Variants in SGPP2 observed in about 807,000 individuals in gnomAD.
SGPP2 encodes the protein sphingosine 1-phosphate phosphohydrolase 2.
In SGPP2, 30 loss-of-function variants were observed where a neutral mutation model predicts 33.9. The observed-to-expected ratio is 0.89, with a 90% CI of 0.66 to 1.20. The LOEUF (loss-of-function observed/expected upper bound fraction) is 1.20, where lower values mean the gene tolerates loss of function less well. Ranked by LOEUF, SGPP2 falls within the 50% of genes most tolerant of loss-of-function variation. SGPP2 has a pLI of 0.00. For missense variants in SGPP2, 458 were observed against 532.1 expected (o/e 0.86, Z 1.37); for synonymous variants, 233 against 225.0 (o/e 1.04, Z -0.32).
chr2:222,439,698 T>C (rs1354361864), intron 1 of SGPP2, among the ~76,000 whole-genome samples: 1 of 152,200 alleles, frequency 6.6e-6, no homozygotes, highest in Non-Finnish European at 1.5e-5. Flanking sequence ...TTTCAAAAGA[T>C]CAAGTTCTGT....
chr2:222,453,994 A>T (rs1467398857), intron 1 of SGPP2, among the ~76,000 whole-genome samples: 2 of 152,208 alleles, frequency 1.3e-5, no homozygotes, highest in African/African-American at 4.8e-5. Flanking sequence ...AATAGTACTG[A>T]CCTGCCTCTT....
intron 1 of SGPP2, among the ~76,000 whole-genome samples, chr2:222,443,720 G>A (rs928898372): frequency 6.6e-6 from 1 of 152,114 alleles, no homozygotes; most frequent in African/African-American, 2.4e-5. Context: ...CAGGGATCTT[G>A]GCTATAGTGA....
intron 1 of SGPP2, among the ~76,000 whole-genome samples, chr2:222,448,747 A>G (rs1447902056): frequency 2.6e-5 from 4 of 152,216 alleles, no homozygotes; most frequent in African/African-American, 9.6e-5. Flanking sequence ...ATGATAAGGC[A>G]CTGTGTTCCC....
intron 1 of SGPP2, among the ~76,000 whole-genome samples, chr2:222,462,777 C>G (rs1323133525): frequency 1.3e-5 from 2 of 151,822 alleles, no homozygotes; most frequent in Non-Finnish European, 2.9e-5. Flanking sequence ...TTGGAACTTC[C>G]ATGATGTTCT....
At chr2:222,472,681 A>T (rs181228286) in intron 1 of SGPP2, among the ~76,000 whole-genome samples, 1 of 152,310 alleles carries the variant, frequency 6.6e-6, no homozygotes, top group African/African-American at 2.4e-5. Flanking sequence ...GCCTTTCATT[A>T]GTCTTACAAA....
chr2:222,532,000 C>T (rs191287669), intron 4 of SGPP2, among the ~76,000 whole-genome samples: 12 of 152,220 alleles, frequency 7.9e-5, no homozygotes, highest in East Asian at 1.9e-4. Context: ...AGGCTAGGCA[C>T]GGTGGCTCAT....
At chr2:222,499,750 A>G (rs1464935753) in intron 2 of SGPP2, among the ~76,000 whole-genome samples, 2 of 152,192 alleles carry the variant, frequency 1.3e-5, no homozygotes, top group Non-Finnish European at 2.9e-5. Context: ...ATTCAGTGTC[A>G]TGTGAGTTTT....
chr2:222,518,179 A>C (rs987768126), intron 2 of SGPP2, among the ~76,000 whole-genome samples: 2 of 152,244 alleles, frequency 1.3e-5, no homozygotes, highest in Non-Finnish European at 2.9e-5. Flanking sequence ...CTGTGATCAC[A>C]GTCATTGTTA....
rs980876284 is a variant in SGPP2, at chr2:222,524,860, A to G, written c.559-84A>G. The stretch of plus-strand genomic sequence containing the variant: ...ATTTGGACTAGCAATTCTTGCATTA[A>G]TGAATCCTATTCCCACCTATGACAT... On this transcript the variant is annotated intron_variant, in intron 3 of 4. Coordinates refer to ENST00000321276, the MANE Select transcript of SGPP2 (RefSeq NM_152386.4). 1.6e-5 allele frequency: 17 copies of G among 1,074,414 alleles called. No individual in the cohort carries two copies. The Admixed American group carries it at 2.6e-4, about 16-fold the overall frequency. The allele number at this position is 1,074,414 out of a possible 1,614,324, so 66.6% of individuals were successfully genotyped here.
At chr2:222,451,819 C>T (rs2106076354) in intron 1 of SGPP2, among the ~76,000 whole-genome samples, 1 of 152,280 alleles carries the variant, frequency 6.6e-6, no homozygotes, top group East Asian at 1.9e-4. Context: ...AACTCATGGC[C>T]TAGCAGTTGT....
intron 2 of SGPP2, among the ~76,000 whole-genome samples, chr2:222,491,764 T>C (rs1003113158): frequency 6.6e-6 from 1 of 152,146 alleles, no homozygotes; most frequent in Non-Finnish European, 1.5e-5. Flanking sequence ...CCCCAAAGTC[T>C]TAACTCATTT....
chr2:222,498,306 G>A (rs114787671), intron 2 of SGPP2: 2 of 152,150 alleles, frequency 1.3e-5, no homozygotes, highest in African/African-American at 4.8e-5. Context: ...CACTTCAGCA[G>A]CACATATACT....
In SGPP2 at chr2:222,450,969, T is replaced by C. The variant is rs149706089; in HGVS notation, c.220-23599T>C. ...CTATTTAATGTTTACTTCATATTGATTTATAAACAACAACCTCTTTGTGAA... is the reference window on the plus strand; with the variant it reads ...CTATTTAATGTTTACTTCATATTGACTTATAAACAACAACCTCTTTGTGAA... On this transcript the variant is annotated intron_variant, in intron 1 of 4. Transcript: ENST00000321276. 6.9e-3 allele frequency among the ~76,000 whole-genome samples: 1,044 copies of C among 152,266 alleles called. 11 individuals are homozygous for C. The highest frequency in any genetic ancestry group is 0.024 in the African/African-American group (984 of 41,554).
chr2:222,537,897 T>A (rs1406671888), intron 4 of SGPP2, among the ~76,000 whole-genome samples: 1 of 152,238 alleles, frequency 6.6e-6, no homozygotes, highest in Admixed American at 6.5e-5. Flanking sequence ...AGCAGCTTTA[T>A]TCCTAATCTC....
At position 222,460,056 on chromosome 2, in the gene SGPP2, C is replaced by T. The variant is rs1248963259; in HGVS notation, c.220-14512C>T. Among the ~76,000 whole-genome samples the T allele has an allele frequency of 6.6e-6, 1 of 152,192 alleles. No individual in the cohort carries two copies. Among genetic ancestry groups the T allele is most frequent in the Non-Finnish European group, 1.5e-5 (1 of 68,040 alleles). ...GTTTTCAGAGCAGGAATCTGAAGCG[C>T]GCGGCCCTCGGTGACGGGGCTCAGT... is the stretch of plus-strand genomic sequence containing the variant. On this transcript the variant is annotated intron_variant, in intron 1 of 4. Transcript: ENST00000321276. This position sits in a 1 kb window ranked among gnomAD's most constrained non-coding sequence, Gnocchi z 4.3.
chr2:222,459,357 C>T (rs539566739), intron 1 of SGPP2, among the ~76,000 whole-genome samples: 2 of 151,992 alleles, frequency 1.3e-5, no homozygotes, highest in East Asian at 3.9e-4. Flanking sequence ...ACCATTTTGG[C>T]CAGGCTGGTC....
intron 1 of SGPP2, among the ~76,000 whole-genome samples, chr2:222,444,383 A>C (rs926754896): frequency 6.6e-6 from 1 of 152,170 alleles, no homozygotes; most frequent in Admixed American, 6.5e-5. Context: ...GTGCTTTTCC[A>C]GGTTCTGCTT....
At chr2:222,544,946 T>A (rs1379071229) in intron 4 of SGPP2, among the ~76,000 whole-genome samples, 1 of 152,200 alleles carries the variant, frequency 6.6e-6, no homozygotes, top group African/African-American at 2.4e-5. Context: ...ATAAAGCTAT[T>A]TTTATTTAAT....
rs1697516188 is a variant in SGPP2 at position 222,453,028 on chromosome 2, C to T, written c.220-21540C>T. On this transcript the variant is annotated intron_variant, in intron 1 of 4. Transcript: ENST00000321276. ...ACAGTTCTGGTCTTCTGTTTCTTGA[C>T]TGGGACCTTGTCTTCCTTCTTTTGT... 4 of 1,570,600 alleles carry T rather than the reference C, an allele frequency of 2.5e-6. No homozygotes were observed. In the African/African-American group the frequency reaches 5.4e-5, roughly 21 times the overall value.
Sources: gnomAD v4.1 joint callset for allele counts (sites outside exome capture counted in the v4.1 genomes callset) on GRCh38, gnomAD v4.1.1 for gene constraint, Gnocchi (gnomAD v3.1) non-coding constraint, MANE v1.5 for transcripts, NCBI Gene and HGNC (gene_info 2026-07-23, HGNC 2026-07-21) for gene names.